HDLBP: variants seen among roughly 807,000 people sequenced by gnomAD.
HDLBP encodes vigilin.
In HDLBP, 30 loss-of-function variants were observed where a neutral mutation model predicts 137.3. The observed-to-expected ratio is 0.22, with a 90% CI of 0.16 to 0.30. HDLBP has a LOEUF of 0.30. Among genes scored for constraint, HDLBP ranks in the 10% least tolerant of loss-of-function variants. The pLI is 1.00. For missense variants in HDLBP, 1,119 were observed against 1,667.3 expected (o/e 0.67, Z 5.73); for synonymous variants, 606 against 596.0 (o/e 1.02, Z -0.24).
intron 1 of HDLBP, among the ~76,000 whole-genome samples, chr2:241,307,720 C>T (rs1425560723): frequency 6.6e-6 from 1 of 152,138 alleles, no homozygotes; most frequent in East Asian, 1.9e-4. Context: ...TACATGCATT[C>T]TTTCACCATC....
At chr2:241,291,440 C>A (rs902216990) in intron 1 of HDLBP, among the ~76,000 whole-genome samples, 1 of 152,088 alleles carries the variant, frequency 6.6e-6, no homozygotes. Flanking sequence ...ACGGCTTCCA[C>A]GGGTTGAAGC....
At chr2:241,261,815 G>A (rs1458459734) in intron 5 of HDLBP, among the ~76,000 whole-genome samples, 3 of 152,114 alleles carry the variant, frequency 2.0e-5, no homozygotes, top group Non-Finnish European at 4.4e-5. Flanking sequence ...CCTCTGCCTC[G>A]CCTCCTGGCT....
chr2:241,314,303 G>C (rs968060958), intron 1 of HDLBP, among the ~76,000 whole-genome samples: 3 of 152,180 alleles, frequency 2.0e-5, no homozygotes, highest in Non-Finnish European at 4.4e-5. Context: ...CAGCATCCCA[G>C]ATTTGCTTCC....
intron 1 of HDLBP, among the ~76,000 whole-genome samples, chr2:241,306,356 G>C (rs2149710397): frequency 6.6e-6 from 1 of 151,514 alleles, no homozygotes; most frequent in South Asian, 2.1e-4. Flanking sequence ...CTGCCTCCCA[G>C]GTTCAGGCAA....
At chr2:241,307,903 A>G (rs1348335730) in intron 1 of HDLBP, among the ~76,000 whole-genome samples, 1 of 151,864 alleles carries the variant, frequency 6.6e-6, no homozygotes, top group Non-Finnish European at 1.5e-5. Context: ...ATTATAAACA[A>G]TGCTGGAAAG....
intron 12 of HDLBP, 32 bp downstream of exon 12, chr2:241,249,809 G>C (rs2071980899): frequency 6.4e-7 from 1 of 1,573,670 alleles, no homozygotes; most frequent in African/African-American, 1.4e-5. Context: ...CAAGGCCAGT[G>C]CCTTTCTAGA....
Position 241,232,771 on chromosome 2 carries a change from G to A in HDLBP, c.3288+1049C>T, listed in dbSNP as rs1443369375. On this transcript the variant is annotated intron_variant, in intron 24 of 27. Transcript: ENST00000310931. ...AGAGGTTACAGTGAGCCGAGATCGC[G>A]CCACTGCACTCCACCTGGGGCAACA... Among the ~76,000 whole-genome samples, 12 of 151,988 alleles carry A rather than the reference G, an allele frequency of 7.9e-5. No homozygotes were observed. The South Asian group carries it at 1.7e-3, about 21-fold the overall frequency.
At chr2:241,257,269 TGAC>T (rs1234687040) in intron 5 of HDLBP, among the ~76,000 whole-genome samples, 119 of 152,370 alleles carry the variant, frequency 7.8e-4, no homozygotes, top group African/African-American at 2.8e-3. Flanking sequence ...AGTCTCGCTC[TGAC>T]GTCAGGCTGG....
rs1428895519 is a variant in HDLBP, at chr2:241,230,490, G to A, written c.3475-221C>T. Among the ~76,000 whole-genome samples the A allele has an allele frequency of 6.6e-6, 1 of 152,202 alleles. No individual in the cohort carries two copies. Among genetic ancestry groups the A allele is most frequent in the Non-Finnish European group, 1.5e-5 (1 of 68,036 alleles). ...CAGAGGGCCGCAGCACGTACTGTGC[G>A]CTCTTGCATGAAATTCCCACCCACA... is the stretch of plus-strand genomic sequence containing the variant. On this transcript the variant is annotated intron_variant, in intron 25 of 27. Coordinates refer to ENST00000310931, the MANE Select transcript of HDLBP (RefSeq NM_005336.6). The surrounding 1 kb of genome is among the most constrained non-coding windows in gnomAD (Gnocchi z 5.0).
intron 21 of HDLBP, 96 bp from the exon 22 acceptor site, chr2:241,235,690 G>T: frequency 1.3e-6 from 1 of 793,278 alleles, no homozygotes; most frequent in Non-Finnish European, 2.2e-6. Flanking sequence ...AAGGCAAACA[G>T]CCCTATGACA....
In HDLBP at chr2:241,230,725, G is replaced by A. The variant is rs1338551583; in HGVS notation, c.3474+34C>T. The A allele has an allele frequency of 6.3e-7, 1 of 1,592,758 alleles. No individual in the cohort carries two copies. Among genetic ancestry groups the A allele is most frequent in the African/African-American group, 1.3e-5 (1 of 74,552 alleles). ...CCAGCCAGGTGCCCCCGGTGAGAGAGGATTCTCACCCACTGTGCTTCCAGC... is the reference window on the plus strand; with the variant it reads ...CCAGCCAGGTGCCCCCGGTGAGAGAAGATTCTCACCCACTGTGCTTCCAGC... On this transcript the variant is annotated intron_variant, in intron 25 of 27. Transcript: ENST00000310931. The surrounding 1 kb of genome is among the most constrained non-coding windows in gnomAD (Gnocchi z 5.0).
intron 1 of HDLBP, among the ~76,000 whole-genome samples, chr2:241,283,205 C>G (rs2074673878): frequency 6.6e-6 from 1 of 152,044 alleles, no homozygotes; most frequent in Admixed American, 6.5e-5. Context: ...CCCTAACTCT[C>G]TTTAATTCCA....
intron 1 of HDLBP, among the ~76,000 whole-genome samples, chr2:241,297,722 T>C (rs1022025293): frequency 5.9e-5 from 9 of 151,556 alleles, no homozygotes; most frequent in Admixed American, 5.3e-4. Context: ...GAATATCCTG[T>C]GGTACAAGAA....
chr2:241,263,388 T>C (rs13022653), intron 4 of HDLBP, among the ~76,000 whole-genome samples: 549 of 152,308 alleles, frequency 3.6e-3, no homozygotes, highest in Middle Eastern at 0.01. Flanking sequence ...CATCCCACCC[T>C]GTAGTAAAAG....
chr2:241,227,858 G>T lies in HDLBP; in HGVS notation c.*1743C>A, dbSNP rs900684814. The T allele has an allele frequency of 6.6e-6, 1 of 152,274 alleles. No individual in the cohort carries two copies. Among genetic ancestry groups the T allele is most frequent in the East Asian group, 1.9e-4 (1 of 5,200 alleles). The allele number at this position is 152,274 out of a possible 1,614,324, so 9.4% of individuals were successfully genotyped here. On this transcript the variant is annotated 3_prime_UTR_variant, in exon 28 of 28. Coordinates refer to ENST00000310931, the MANE Select transcript of HDLBP (RefSeq NM_005336.6). ...CTCCCCCGTGGAGGTGGAGTAGACA[G>T]ATCCCGGGAAAGGCAGGAAAAGGGC...
At chr2:241,236,897 GTCCTT>G in intron 20 of HDLBP, 128 bp from the exon 21 acceptor site, 4 of 861,862 alleles carry the variant, frequency 4.6e-6, no homozygotes, top group Non-Finnish European at 7.1e-6. Context: ...AACCACTCCT[GTCCTT>G]CAGGAGGTCT....
rs186385628 is a variant in HDLBP, at chr2:241,272,740, A to G, written c.-102-4199T>C. 0.16 allele frequency: 52,455 copies of G among 324,300 alleles called. 4,285 individuals are homozygous for G. The highest frequency in any genetic ancestry group is 0.28 in the Admixed American group (2,287 of 8,168). The allele number at this position is 324,300 out of a possible 1,614,324, so 20.1% of individuals were successfully genotyped here. ...GTCCGCCCGCCCGCCCAGGCCTCCC[A>G]GCCCCGTGTTGCGCGCTCACTCGTG... On this transcript the variant is annotated intron_variant, in intron 1 of 27. Coordinates refer to ENST00000310931, the MANE Select transcript of HDLBP (RefSeq NM_005336.6). The surrounding 1 kb of genome is among the most constrained non-coding windows in gnomAD (Gnocchi z 5.6).
chr2:241,254,974 T>C (rs1283066411), intron 9 of HDLBP, 77 bp downstream of exon 9: 10 of 1,155,912 alleles, frequency 8.7e-6, no homozygotes, highest in Non-Finnish European at 1.2e-5. Flanking sequence ...AGTACAAAGG[T>C]CAACAAAGCA....
intron 7 of HDLBP, 94 bp from the exon 8 acceptor site, chr2:241,255,674 G>A: frequency 1.1e-6 from 1 of 928,330 alleles, no homozygotes; most frequent in Non-Finnish European, 1.8e-6. Context: ...AGCCAAAGCG[G>A]CCCAGACTAT....
Sources: allele counts gnomAD v4.1 joint callset (sites outside exome capture counted in the v4.1 genomes callset), GRCh38; gene constraint gnomAD v4.1.1; non-coding constraint Gnocchi (gnomAD v3.1); transcripts MANE v1.5; gene names NCBI Gene and HGNC (gene_info 2026-07-23, HGNC 2026-07-21).